Variants in MTBP observed in about 807,000 individuals in gnomAD.
The protein encoded by MTBP is mdm2-binding protein.
A neutral mutation model predicts 117.0 loss-of-function variants in MTBP; 101 were observed. The observed-to-expected ratio is 0.86, with a 90% CI of 0.73 to 1.02. The LOEUF (loss-of-function observed/expected upper bound fraction) is 1.02. Ranked by LOEUF, MTBP falls within the 50% of genes least tolerant of loss-of-function variation. The probability of loss-of-function intolerance (pLI) is 0.00; values close to 1 mark genes in which losing one functional copy is unlikely to be tolerated. For missense variants in MTBP, 970 were observed against 1,030.9 expected (o/e 0.94, Z 0.81); for synonymous variants, 350 against 351.5 (o/e 1.00, Z 0.05).
chr8:120,450,495 G>A (rs1813314805), intron 2 of MTBP, among the ~76,000 whole-genome samples: 1 of 152,026 alleles, frequency 6.6e-6, no homozygotes, highest in Non-Finnish European at 1.5e-5. Context: ...ATACCCTGGG[G>A]TGACCCTTAA....
intron 13 of MTBP, among the ~76,000 whole-genome samples, chr8:120,492,030 A>G (rs576554286): frequency 6.6e-6 from 1 of 152,314 alleles, no homozygotes; most frequent in South Asian, 2.1e-4. Context: ...AAAAAAATAA[A>G]AAATCGCAGG....
chr8:120,516,341 A>G (rs1263731790), intron 18 of MTBP, 150 bp downstream of exon 18: 7 of 717,466 alleles, frequency 9.8e-6, no homozygotes, highest in Non-Finnish European at 1.3e-5. Flanking sequence ...CTTATAAGTT[A>G]TAAAAATAAA....
At chr8:120,505,062 C>T (rs1814662811) in intron 15 of MTBP, among the ~76,000 whole-genome samples, 1 of 151,076 alleles carries the variant, frequency 6.6e-6, no homozygotes, top group African/African-American at 2.4e-5. Context: ...TTTATTTGTT[C>T]TTCTGGTGTT....
chr8:120,459,681 G>A (rs990405004), intron 8 of MTBP, among the ~76,000 whole-genome samples: 2 of 152,136 alleles, frequency 1.3e-5, no homozygotes, highest in African/African-American at 4.8e-5. Context: ...TTGATGTTAG[G>A]TAAACCTGGG....
At chr8:120,516,361 A>G (rs913205283) in intron 18 of MTBP, among the ~76,000 whole-genome samples, 170 bp downstream of exon 18, 5 of 152,078 alleles carry the variant, frequency 3.3e-5, no homozygotes, top group Admixed American at 6.6e-5. Context: ...ATGATTTGGG[A>G]AAAAAACACA....
chr8:120,450,551 C>G (rs547213054), intron 2 of MTBP, among the ~76,000 whole-genome samples: 1 of 152,288 alleles, frequency 6.6e-6, no homozygotes, highest in East Asian at 1.9e-4. Context: ...AGAGCATCTT[C>G]CTTATCTTTA....
intron 14 of MTBP, 118 bp from the exon 15 acceptor site, chr8:120,502,374 T>C (rs1014292828): frequency 1.9e-6 from 1 of 534,000 alleles, no homozygotes; most frequent in Non-Finnish European, 3.2e-6. Flanking sequence ...AAGGTAAGTA[T>C]GCCTTTATAG....
chr8:120,491,059 T>A (rs944734944), intron 13 of MTBP, among the ~76,000 whole-genome samples: 70 of 152,232 alleles, frequency 4.6e-4, no homozygotes, highest in African/African-American at 1.6e-3. Flanking sequence ...GGCATAGATT[T>A]ATCTTATTCA....
At chr8:120,484,811 C>T (rs1415115474) in intron 11 of MTBP, among the ~76,000 whole-genome samples, 1 of 152,122 alleles carries the variant, frequency 6.6e-6, no homozygotes, top group Non-Finnish European at 1.5e-5. Context: ...TTGCGCATTT[C>T]CACCACCCAT....
chr8:120,506,208 A>G (rs1364992163), intron 15 of MTBP, among the ~76,000 whole-genome samples: 1 of 152,186 alleles, frequency 6.6e-6, no homozygotes, highest in Non-Finnish European at 1.5e-5. Context: ...CATGGCTACA[A>G]GAGACTTTGG....
At chr8:120,447,132 T>C (rs988840662) in intron 2 of MTBP, among the ~76,000 whole-genome samples, 1 of 152,206 alleles carries the variant, frequency 6.6e-6, no homozygotes, top group Non-Finnish European at 1.5e-5. Context: ...GAATGTCCTT[T>C]AAACGTTCTG....
intron 11 of MTBP, among the ~76,000 whole-genome samples, chr8:120,482,761 G>A (rs56099013): frequency 0.53 from 80,497 of 150,840 alleles, 24,444 homozygotes; most frequent in Non-Finnish European, 0.67. Context: ...ATGCAGTAGC[G>A]TGATCTCGGC....
At chr8:120,458,816 G>C (rs531527295) in intron 7 of MTBP, among the ~76,000 whole-genome samples, 1 of 149,974 alleles carries the variant, frequency 6.7e-6, no homozygotes, top group Admixed American at 6.7e-5. Context: ...ACTCCAGCCT[G>C]GGCCACAAGA....
Position 120,507,652 on chromosome 8 carries a change from T to A in MTBP, c.1883+791T>A, listed in dbSNP as rs569666302. Among the ~76,000 whole-genome samples, 12 of 152,262 alleles carry A rather than the reference T, an allele frequency of 7.9e-5. No homozygotes were observed. In the South Asian group the frequency reaches 2.3e-3, roughly 29 times the overall value. On this transcript the variant is annotated intron_variant, in intron 16 of 21. Transcript: ENST00000305949. ...AAGGTGAATTTTGCAAAGGAGTTAT[T>A]TGAAGGCAGTTATATCTCAGAAATA...
At chr8:120,476,235 A>G (rs1451694342) in intron 11 of MTBP, among the ~76,000 whole-genome samples, 1 of 152,132 alleles carries the variant, frequency 6.6e-6, no homozygotes, top group Non-Finnish European at 1.5e-5. Context: ...TCAATAAGCT[A>G]GGTATTGATG....
At chr8:120,482,334 A>G (rs1226995028) in intron 11 of MTBP, among the ~76,000 whole-genome samples, 1 of 152,184 alleles carries the variant, frequency 6.6e-6, no homozygotes, top group Non-Finnish European at 1.5e-5. Context: ...CTACTTCCTT[A>G]TTGTATCTCA....
In MTBP at chr8:120,511,875, A is replaced by AC. The variant is rs553657135; in HGVS notation, c.1979+1849dup. On this transcript the variant is annotated intron_variant, in intron 17 of 21. Transcript: ENST00000305949. ...GTGGTTATCTCTCATTTTAAAAAAT[A>AC]CCCTTATGTCAATATTTTTAACTGT... Among the ~76,000 whole-genome samples, 53 of 152,198 alleles carry AC rather than the reference A, an allele frequency of 3.5e-4. No homozygotes were observed. The East Asian group carries it at 0.01, about 29-fold the overall frequency.
At chr8:120,454,246 T>C (rs867738724) in intron 5 of MTBP, among the ~76,000 whole-genome samples, 1 of 151,950 alleles carries the variant, frequency 6.6e-6, no homozygotes, top group Non-Finnish European at 1.5e-5. Flanking sequence ...TATAAACAGC[T>C]CTTTAAAAAG....
At chr8:120,453,058 G>T (rs1275036098) in intron 4 of MTBP, among the ~76,000 whole-genome samples, 3 of 152,162 alleles carry the variant, frequency 2.0e-5, no homozygotes, top group Non-Finnish European at 4.4e-5. Context: ...TGAAGAATCT[G>T]AAGAGGGCGT....
Sources: gnomAD v4.1 joint callset for allele counts (sites outside exome capture counted in the v4.1 genomes callset) on GRCh38, gnomAD v4.1.1 for gene constraint, MANE v1.5 for transcripts, NCBI Gene and HGNC (gene_info 2026-07-23, HGNC 2026-07-21) for gene names.